INSYN2A: variants seen among roughly 807,000 people sequenced by gnomAD.
The protein encoded by INSYN2A is inhibitory synaptic factor 2A.
Under a neutral mutation model 39.4 loss-of-function variants are expected in INSYN2A, and 17 were observed. That is an observed-to-expected ratio of 0.43 (90% CI 0.30 to 0.65). The LOEUF is 0.65. Among genes scored for constraint, INSYN2A ranks in the 30% least tolerant of loss-of-function variants. The pLI is 0.14. For synonymous variants in INSYN2A, 255 were observed against 265.7 expected, an observed-to-expected ratio of 0.96 and a Z score of 0.39; for missense variants, 595 against 631.2, an observed-to-expected ratio of 0.94 and a Z score of 0.61.
intron 4 of INSYN2A, among the ~76,000 whole-genome samples, chr10:127,158,144 A>C (rs369142491): frequency 3.9e-5 from 6 of 152,224 alleles, no homozygotes; most frequent in African/African-American, 1.2e-4. Flanking sequence ...GATGAAACAG[A>C]TAAGTTATTT....
intron 4 of INSYN2A, among the ~76,000 whole-genome samples, chr10:127,171,990 C>G (rs1021867703): frequency 1.1e-4 from 16 of 152,330 alleles, no homozygotes; most frequent in Admixed American, 1.0e-3. Flanking sequence ...CAGGCATGAT[C>G]CACCGTGCCC....
intron 4 of INSYN2A, among the ~76,000 whole-genome samples, chr10:127,155,363 T>G (rs1247624163): frequency 6.6e-6 from 1 of 152,216 alleles, no homozygotes; most frequent in Non-Finnish European, 1.5e-5. Flanking sequence ...AGTTTGTTGA[T>G]CAAGTGACCA....
chr10:127,157,370 A>G (rs1164764048), intron 4 of INSYN2A, among the ~76,000 whole-genome samples: 1 of 152,254 alleles, frequency 6.6e-6, no homozygotes, highest in Non-Finnish European at 1.5e-5. Context: ...GAGAGTGGGG[A>G]GAGATGAGGA....
chr10:127,141,644 C>G (rs2051259167), intron 5 of INSYN2A, among the ~76,000 whole-genome samples: 1 of 151,802 alleles, frequency 6.6e-6, no homozygotes, highest in African/African-American at 2.4e-5. Flanking sequence ...GCACTCCACC[C>G]TGGGTGACAG....
At chr10:127,171,577 T>C (rs1006716084) in intron 4 of INSYN2A, among the ~76,000 whole-genome samples, 2 of 152,206 alleles carry the variant, frequency 1.3e-5, no homozygotes, top group Non-Finnish European at 2.9e-5. Context: ...GAAATTCTGT[T>C]GGAAGCCCCT....
intron 5 of INSYN2A, among the ~76,000 whole-genome samples, chr10:127,150,083 G>C (rs1307429247): frequency 1.3e-5 from 2 of 152,314 alleles, no homozygotes; most frequent in East Asian, 3.9e-4. Context: ...CATGGATGTA[G>C]ATTTGTAAAG....
At chr10:127,138,672 T>TTCAGTAAAGACAACACAGAAG (rs1251015471) in intron 5 of INSYN2A, among the ~76,000 whole-genome samples, 1 of 152,100 alleles carries the variant, frequency 6.6e-6, no homozygotes, top group African/African-American at 2.4e-5. Context: ...GTGGGGAGTG[T>TTCAGTAAAGACAACACAGAAG]TCAGTAAAGA....
intron 4 of INSYN2A, among the ~76,000 whole-genome samples, chr10:127,169,025 T>C (rs1465119340): frequency 6.6e-6 from 1 of 152,206 alleles, no homozygotes; most frequent in Non-Finnish European, 1.5e-5. Flanking sequence ...ACAGCAAGTA[T>C]ATCATTTCTA....
In INSYN2A at chr10:127,137,815, G is replaced by A. The variant is rs1217694874; in HGVS notation, c.*22C>T. 3 of 1,598,160 alleles carry A rather than the reference G, an allele frequency of 1.9e-6. No individual in the cohort carries two copies. The South Asian group carries it at 3.4e-5, about 18-fold the overall frequency. On this transcript the variant is annotated 3_prime_UTR_variant, in exon 6 of 6. Coordinates refer to ENST00000522781, the MANE Select transcript of INSYN2A (RefSeq NM_001039762.3). ...TCCAGTGGGTTCTAAAGACGGCCTC[G>A]AGACTCCAGACACCGTGAGTGTTAA...
chr10:127,162,508 T>A (rs1564855066), intron 4 of INSYN2A, among the ~76,000 whole-genome samples: 1 of 152,174 alleles, frequency 6.6e-6, no homozygotes, highest in Non-Finnish European at 1.5e-5. Flanking sequence ...TTGAGTTGGG[T>A]CTGTCTTCAT....
chr10:127,169,554 T>TA (rs1427121347), intron 4 of INSYN2A, among the ~76,000 whole-genome samples: 13 of 152,226 alleles, frequency 8.5e-5, no homozygotes, highest in Non-Finnish European at 4.4e-5. Context: ...CAAATCTGGC[T>TA]ACCACCTGTT....
Position 127,196,367 on chromosome 10 carries a change from C to T in INSYN2A, c.-765G>A, listed in dbSNP as rs2057149493. ...GGCGGAGCCAGCCACAGCCACCCGG[C>T]TTCGCGCTCCTCCGATGTCCTCATT... On this transcript the variant is annotated 5_prime_UTR_variant, in exon 1 of 6. Coordinates refer to ENST00000522781, the MANE Select transcript of INSYN2A (RefSeq NM_001039762.3). Among the ~76,000 whole-genome samples, 1 of 148,770 alleles carries T rather than the reference C, an allele frequency of 6.7e-6. No homozygotes were observed. The highest frequency in any genetic ancestry group is 1.5e-5 in the Non-Finnish European group (1 of 66,756).
chr10:127,195,959 CGG>C (rs2057106849), intron 1 of INSYN2A, 36 bp downstream of exon 1: 1 of 152,222 alleles, frequency 6.6e-6, no homozygotes, highest in South Asian at 2.1e-4. Context: ...ACGACGGGCG[CGG>C]GGGCGCGGGA....
chr10:127,170,878 G>T (rs1248418911), intron 4 of INSYN2A, among the ~76,000 whole-genome samples: 1 of 152,220 alleles, frequency 6.6e-6, no homozygotes, highest in East Asian at 1.9e-4. Flanking sequence ...TGGCATTCAT[G>T]CAAGCCCGCA....
chr10:127,156,503 T>C (rs80137631), intron 4 of INSYN2A, among the ~76,000 whole-genome samples: 1 of 149,372 alleles, frequency 6.7e-6, no homozygotes, highest in Non-Finnish European at 1.5e-5. Flanking sequence ...TCTGAATCTT[T>C]TCTTCTCTTT....
chr10:127,153,449 T>G (rs1221612138), intron 5 of INSYN2A, among the ~76,000 whole-genome samples: 1 of 152,188 alleles, frequency 6.6e-6, no homozygotes, highest in Non-Finnish European at 1.5e-5. Flanking sequence ...ACATTTGGTG[T>G]GAGCAGCCCA....
intron 2 of INSYN2A, among the ~76,000 whole-genome samples, chr10:127,184,320 C>CT (rs1053778037): frequency 3.3e-5 from 5 of 151,018 alleles, no homozygotes; most frequent in African/African-American, 1.2e-4. Context: ...CATTCCCCCC[C>CT]CAGTCTAATC....
chr10:127,165,276 T>C (rs959784696), intron 4 of INSYN2A, among the ~76,000 whole-genome samples: 3 of 152,246 alleles, frequency 2.0e-5, no homozygotes, highest in South Asian at 2.1e-4. Context: ...TGAGAACTTA[T>C]ACATCTTGGA....
At chr10:127,168,889 C>A (rs2054315359) in intron 4 of INSYN2A, among the ~76,000 whole-genome samples, 1 of 152,158 alleles carries the variant, frequency 6.6e-6, no homozygotes, top group Admixed American at 6.5e-5. Flanking sequence ...CCTTATGCTT[C>A]CTCTGTAATT....
Sources: allele counts gnomAD v4.1 joint callset (sites outside exome capture counted in the v4.1 genomes callset), GRCh38; gene constraint gnomAD v4.1.1; transcripts MANE v1.5; gene names NCBI Gene and HGNC (gene_info 2026-07-23, HGNC 2026-07-21).